ADAMTS9: variants seen among roughly 807,000 people sequenced by gnomAD.
ADAMTS9 encodes A disintegrin and metalloproteinase with thrombospondin motifs 9.
ADAMTS9 carries 107 observed loss-of-function variants against 257.1 expected under a neutral mutation model. That is an observed-to-expected ratio of 0.42 (90% CI 0.36 to 0.49). The LOEUF (loss-of-function observed/expected upper bound fraction) is 0.49, where lower values mean the gene tolerates loss of function less well. ADAMTS9 is among the 20% of genes least tolerant of loss of function. The probability of loss-of-function intolerance (pLI) is 0.03; values close to 1 mark genes in which losing one functional copy is unlikely to be tolerated. For synonymous variants in ADAMTS9, 982 were observed against 880.9 expected (o/e 1.11, Z -2.03); for missense variants, 2,353 against 2,469.1 (o/e 0.95, Z 1.00).
In ADAMTS9 at chr3:64,641,851, G is replaced by C; in HGVS notation, c.1853C>G (p.Pro618Arg). Residue 618 changes from proline to arginine, a missense_variant, in exon 12 of 40, where the codon CCA (proline) becomes CGA (arginine). Around this residue, in one of 3 missense-constraint regions of ADAMTS9, gnomAD observed 360 missense variants for 458.1 expected, o/e 0.79. Coordinates refer to ENST00000498707, the MANE Select transcript of ADAMTS9 (RefSeq NM_182920.2). ...IKTAIRECNR[P>R]EPKNGGKYCV... ...AGTTATACATTCTAGGACTTACTCT[G>C]GTCTGTTGCACTCTCGAATGGCTGT... 1.9e-6 allele frequency: 3 copies of C among 1,613,956 alleles called. No individual in the cohort carries two copies. The highest frequency in any genetic ancestry group is 2.5e-6 in the Non-Finnish European group (3 of 1,179,962).
Position 64,541,116 on chromosome 3 carries a change from G to A in ADAMTS9, c.5500C>T (p.Leu1834=). 1 of 1,614,074 alleles carries A rather than the reference G, an allele frequency of 6.2e-7. No individual in the cohort carries two copies. The highest frequency in any genetic ancestry group is 8.5e-7 in the Non-Finnish European group (1 of 1,179,948). Residue 1834 remains leucine, a synonymous_variant, in exon 36 of 40, where the codon CTG becomes TTG. Coordinates refer to ENST00000498707, the MANE Select transcript of ADAMTS9 (RefSeq NM_182920.2). ...FSSFQKIRID[L]TSMQIITTDL... ...TTACTGATTATCTGCATGCTGGTCA[G>A]GTCTATTCTGATTTTCTGAAAACTG... is the stretch of plus-strand genomic sequence containing the variant.
Position 64,616,077 on chromosome 3 carries a change from A to C in ADAMTS9, c.2907T>G (p.Asp969Glu), listed in dbSNP as rs773302750. 2 of 1,614,008 alleles carry C rather than the reference A, an allele frequency of 1.2e-6. No individual in the cohort carries two copies. Among genetic ancestry groups the C allele is most frequent in the Non-Finnish European group, 1.7e-6 (2 of 1,180,006 alleles). The change falls in exon 20 of 40, where the codon GAT becomes GAG. Residue 969 changes from aspartate (D) to glutamate (E), a missense_variant. By Grantham distance (45) the Asp-to-Glu change is conservative. Coordinates refer to ENST00000498707, the MANE Select transcript of ADAMTS9 (RefSeq NM_182920.2). ...CATCATCAACCTTCTCAGTCTTCCC[A>C]TCCAGCCTGCTATATTTGGCACAGT... ...DIYCAKYSRL[D>E]GKTEKVDDGF... is the part of the protein sequence containing the mutation.
At chr3:64,654,252 G>T (rs1701001328) in intron 8 of ADAMTS9, 101 bp downstream of exon 8, 2 of 1,162,092 alleles carry the variant, frequency 1.7e-6, no homozygotes, top group Admixed American at 2.2e-5. Flanking sequence ...GACTCGGGAA[G>T]TCTCTTACAC....
intron 22 of ADAMTS9, among the ~76,000 whole-genome samples, 172 bp from the exon 23 acceptor site, chr3:64,607,251 T>A (rs116745230): frequency 2.2e-3 from 333 of 152,332 alleles, no homozygotes; most frequent in African/African-American, 7.6e-3. Flanking sequence ...ATTATACTGA[T>A]TCATTATTAT....
chr3:64,633,921 C>T lies in ADAMTS9; in HGVS notation c.1857-42G>A, dbSNP rs769869943. On this transcript the variant is annotated intron_variant, in intron 12 of 39. Coordinates refer to ENST00000498707, the MANE Select transcript of ADAMTS9 (RefSeq NM_182920.2). ...GTGAAGAGCACACACACTGTATTAT[C>T]ATGTATTCCTCTGAACATCACTCCT... The T allele has an allele frequency of 2.0e-5, 31 of 1,531,142 alleles. No homozygotes were observed. The South Asian group carries it at 3.3e-4, about 16-fold the overall frequency. 94.8% of individuals were successfully genotyped at this position (1,531,142 alleles called of 1,614,324 possible).
At chr3:64,541,695 A>T (rs2083124422) in intron 33 of ADAMTS9, 75 bp from the exon 34 acceptor site, 1 of 1,553,222 alleles carries the variant, frequency 6.4e-7, no homozygotes, top group Admixed American at 1.7e-5. Flanking sequence ...AATGAATGAC[A>T]TTGTTCGCAC....
chr3:64,655,036 G>A (rs1019893302), intron 6 of ADAMTS9, among the ~76,000 whole-genome samples: 5 of 152,164 alleles, frequency 3.3e-5, no homozygotes, highest in East Asian at 1.9e-4. Flanking sequence ...GCCAGCACGC[G>A]TCTTTGTTGC....
chr3:64,604,143 G>C, intron 24 of ADAMTS9, 54 bp from the exon 25 acceptor site: 1 of 1,602,964 alleles, frequency 6.2e-7, no homozygotes, highest in Non-Finnish European at 8.5e-7. Flanking sequence ...GCTGCTTACT[G>C]GACAGTAGCC....
intron 3 of ADAMTS9, among the ~76,000 whole-genome samples, chr3:64,666,134 T>G (rs1237021146): frequency 1.3e-5 from 2 of 152,186 alleles, no homozygotes; most frequent in Non-Finnish European, 2.9e-5. Context: ...ATCTGCTGAT[T>G]TATTGGTAAA....
At chr3:64,527,857 G>A (rs1302504142) in intron 38 of ADAMTS9, among the ~76,000 whole-genome samples, 2 of 152,142 alleles carry the variant, frequency 1.3e-5, no homozygotes, top group Non-Finnish European at 2.9e-5. Context: ...AAGTTCGGAG[G>A]CAGCCCAGGT....
intron 28 of ADAMTS9, among the ~76,000 whole-genome samples, chr3:64,579,050 G>C (rs2083927344): frequency 6.6e-6 from 1 of 152,112 alleles, no homozygotes; most frequent in South Asian, 2.1e-4. Context: ...TTCACTGCCA[G>C]TCCCTTCCTA....
intron 11 of ADAMTS9, among the ~76,000 whole-genome samples, chr3:64,644,493 A>G (rs144731116): frequency 2.6e-5 from 4 of 152,310 alleles, no homozygotes; most frequent in African/African-American, 7.2e-5. Context: ...TATTCACTCA[A>G]TATCCATCCT....
intron 28 of ADAMTS9, among the ~76,000 whole-genome samples, chr3:64,586,023 TA>T (rs1001314372): frequency 1.3e-5 from 2 of 152,102 alleles, no homozygotes; most frequent in African/African-American, 2.4e-5. Flanking sequence ...TTTCATCAAC[TA>T]AACAATGAGA....
chr3:64,670,150 C>A lies in ADAMTS9; in HGVS notation c.679+11051G>T, dbSNP rs181411827. 3.3e-5 allele frequency among the ~76,000 whole-genome samples: 5 copies of A among 152,106 alleles called. No individual in the cohort carries two copies. In the East Asian group the frequency reaches 9.7e-4, roughly 29 times the overall value. On this transcript the variant is annotated intron_variant, in intron 3 of 39. Coordinates refer to ENST00000498707, the MANE Select transcript of ADAMTS9 (RefSeq NM_182920.2). ...TCTGTCTCTGTCTCAGTCTCATTGT[C>A]CCTCTGGCTCTCTCTTTCTCTCCTG...
intron 32 of ADAMTS9, among the ~76,000 whole-genome samples, chr3:64,545,764 AAAATTATATTTT>A (rs2083189229): frequency 6.6e-6 from 1 of 152,198 alleles, no homozygotes; most frequent in Non-Finnish European, 1.5e-5. Flanking sequence ...TAATAATAAA[AAAATTATATTTT>A]AAGTAGAGAC....
intron 22 of ADAMTS9, among the ~76,000 whole-genome samples, chr3:64,611,451 C>A (rs373966729): frequency 4.6e-5 from 7 of 152,090 alleles, no homozygotes; most frequent in African/African-American, 1.7e-4. Context: ...AAACACAATG[C>A]AGACTGGTGG....
At chr3:64,569,239 G>A (rs1180587837) in intron 28 of ADAMTS9, among the ~76,000 whole-genome samples, 2 of 152,122 alleles carry the variant, frequency 1.3e-5, no homozygotes, top group South Asian at 2.1e-4. Flanking sequence ...CCATGGAGTC[G>A]GGACAAAAAT....
intron 28 of ADAMTS9, among the ~76,000 whole-genome samples, chr3:64,585,886 C>A (rs756812461): frequency 5.3e-5 from 8 of 152,042 alleles, no homozygotes; most frequent in Non-Finnish European, 1.2e-4. Flanking sequence ...TTTGCTTATC[C>A]CCTAAGCAAA....
rs941177410 is a variant in ADAMTS9, at chr3:64,516,904, A to C, written c.*223T>G. The C allele has an allele frequency of 2.6e-5, 4 of 152,632 alleles. No individual in the cohort carries two copies. The highest frequency in any genetic ancestry group is 9.6e-5 in the African/African-American group (4 of 41,458). 9.5% of individuals were successfully genotyped at this position (152,632 alleles called of 1,614,324 possible). ...AAATAATTTCAAACATAAATATTAA[A>C]CTTTACATCATTAGGATAGTCTACA... On this transcript the variant is annotated 3_prime_UTR_variant, in exon 40 of 40. Coordinates refer to ENST00000498707, the MANE Select transcript of ADAMTS9 (RefSeq NM_182920.2).
Sources: gnomAD v4.1 joint callset for allele counts (sites outside exome capture counted in the v4.1 genomes callset) on GRCh38, gnomAD v4.1.1 for gene constraint, gnomAD v4.1.1 regional missense constraint, MANE v1.5 for transcripts, NCBI Gene and HGNC (gene_info 2026-07-23, HGNC 2026-07-21) for gene names.